TAFA1: variants seen among roughly 807,000 people sequenced by gnomAD.
TAFA1 encodes the protein chemokine-like protein TAFA-1.
Under a neutral mutation model 18.5 loss-of-function variants are expected in TAFA1, and 4 were observed. That is an observed-to-expected ratio of 0.22 (90% CI 0.11 to 0.49). TAFA1 has a LOEUF of 0.49. Ranked by LOEUF, TAFA1 falls within the 20% of genes least tolerant of loss-of-function variation. The probability of loss-of-function intolerance (pLI) is 0.98; values close to 1 mark genes in which losing one functional copy is unlikely to be tolerated. For missense variants in TAFA1, 147 were observed against 169.0 expected (o/e 0.87, Z 0.72); for synonymous variants, 56 against 55.2 (o/e 1.01, Z -0.06).
At chr3:68,485,307 C>T (rs1055885056) in intron 3 of TAFA1, among the ~76,000 whole-genome samples, 1 of 152,224 alleles carries the variant, frequency 6.6e-6, no homozygotes, top group Non-Finnish European at 1.5e-5. Flanking sequence ...AAACAACCCA[C>T]TTGTTTGTGC....
chr3:68,064,995 G>A (rs2064655716), intron 2 of TAFA1, among the ~76,000 whole-genome samples: 1 of 151,974 alleles, frequency 6.6e-6, no homozygotes. Context: ...GGGTTCATGA[G>A]TAAAGGTAGA....
intron 2 of TAFA1, chr3:68,145,199 T>C (rs1359864537): frequency 7.5e-6 from 6 of 804,420 alleles, no homozygotes; most frequent in Non-Finnish European, 1.4e-5. Flanking sequence ...TGCTACAAAA[T>C]CTGCAAATTC....
intron 2 of TAFA1, among the ~76,000 whole-genome samples, chr3:68,186,207 T>C (rs1346640015): frequency 6.6e-6 from 1 of 152,110 alleles, no homozygotes; most frequent in Non-Finnish European, 1.5e-5. Flanking sequence ...ATTTCTACTC[T>C]TTGGGAATAA....
chr3:68,380,681 A>G (rs181851553), intron 2 of TAFA1, among the ~76,000 whole-genome samples: 4,551 of 152,162 alleles, frequency 0.03, 93 homozygotes, highest in East Asian at 0.092. Context: ...CCTTTGTCAG[A>G]TGAGTAGGCT....
At chr3:68,422,701 T>C (rs2070978155) in intron 3 of TAFA1, among the ~76,000 whole-genome samples, 1 of 152,124 alleles carries the variant, frequency 6.6e-6, no homozygotes, top group South Asian at 2.1e-4. Context: ...TTCTATTTTC[T>C]AATAATTGAA....
At chr3:68,035,282 A>T (rs1207040768) in intron 2 of TAFA1, among the ~76,000 whole-genome samples, 1 of 152,166 alleles carries the variant, frequency 6.6e-6, no homozygotes, top group African/African-American at 2.4e-5. Flanking sequence ...TCTCTCACTC[A>T]GCACAAACCT....
At chr3:68,138,405 T>A (rs1431549601) in intron 2 of TAFA1, among the ~76,000 whole-genome samples, 1 of 152,204 alleles carries the variant, frequency 6.6e-6, no homozygotes, top group Admixed American at 6.5e-5. Flanking sequence ...AGTAACATAT[T>A]GTACATCAGG....
At chr3:68,175,476 G>T (rs756530851) in intron 2 of TAFA1, among the ~76,000 whole-genome samples, 5 of 152,206 alleles carry the variant, frequency 3.3e-5, no homozygotes, top group East Asian at 1.9e-4. Context: ...GCATCAGTGT[G>T]ACCTGCATGT....
chr3:68,396,780 A>C (rs942787776), intron 2 of TAFA1, among the ~76,000 whole-genome samples: 1 of 152,208 alleles, frequency 6.6e-6, no homozygotes, highest in Admixed American at 6.5e-5. Context: ...CTTCCATAAA[A>C]GTTTAAACAA....
chr3:68,496,343 T>G (rs2072549382), intron 3 of TAFA1, among the ~76,000 whole-genome samples: 1 of 152,098 alleles, frequency 6.6e-6, no homozygotes, highest in South Asian at 2.1e-4. Context: ...GTTAGAGAAG[T>G]CTGAACTTCC....
At chr3:68,434,016 C>T (rs536838757) in intron 3 of TAFA1, among the ~76,000 whole-genome samples, 1 of 151,970 alleles carries the variant, frequency 6.6e-6, no homozygotes, top group Admixed American at 6.6e-5. Flanking sequence ...CTATCTCTAC[C>T]CTAAGTTTTC....
intron 3 of TAFA1, among the ~76,000 whole-genome samples, chr3:68,524,511 C>A (rs986105796): frequency 6.6e-6 from 1 of 152,012 alleles, no homozygotes; most frequent in Non-Finnish European, 1.5e-5. Context: ...AGAGGCAGTA[C>A]ATTTAGAAAA....
At chr3:68,304,745 C>CT (rs1047220626) in intron 2 of TAFA1, among the ~76,000 whole-genome samples, 1 of 151,966 alleles carries the variant, frequency 6.6e-6, no homozygotes, top group Non-Finnish European at 1.5e-5. Flanking sequence ...AAATAAAATT[C>CT]TTTTTAATGC....
At chr3:68,340,611 AT>A (rs58453444) in intron 2 of TAFA1, among the ~76,000 whole-genome samples, 73 of 150,636 alleles carry the variant, frequency 4.8e-4, no homozygotes, top group South Asian at 1.5e-3. Flanking sequence ...TTCCTCTCCC[AT>A]TTTTTTTTCT....
At chr3:68,197,369 T>C (rs1170026940) in intron 2 of TAFA1, among the ~76,000 whole-genome samples, 3 of 151,708 alleles carry the variant, frequency 2.0e-5, no homozygotes, top group Non-Finnish European at 4.4e-5. Context: ...GTATTTGCCT[T>C]TATAAGATCA....
At chr3:68,193,106 A>C (rs1210559552) in intron 2 of TAFA1, among the ~76,000 whole-genome samples, 2 of 151,772 alleles carry the variant, frequency 1.3e-5, no homozygotes, top group African/African-American at 4.8e-5. Flanking sequence ...AGTATGAGGA[A>C]TTAGTCACAG....
intron 2 of TAFA1, among the ~76,000 whole-genome samples, chr3:68,151,680 T>C (rs182639281): frequency 1.3e-5 from 2 of 152,288 alleles, no homozygotes; most frequent in Non-Finnish European, 2.9e-5. Flanking sequence ...ATTAACCCCC[T>C]TCTGTGATAA....
intron 3 of TAFA1, among the ~76,000 whole-genome samples, chr3:68,471,051 AG>A (rs1171784215): frequency 6.6e-6 from 1 of 152,150 alleles, no homozygotes; most frequent in Non-Finnish European, 1.5e-5. Context: ...CATGGCTAAA[AG>A]GGGCCAACGT....
chr3:68,188,802 T>C (rs1353683644), intron 2 of TAFA1, among the ~76,000 whole-genome samples: 1 of 151,956 alleles, frequency 6.6e-6, no homozygotes, highest in African/African-American at 2.4e-5. Flanking sequence ...TTTTATGTGA[T>C]GCTTCTTTTG....
Sources: allele counts gnomAD v4.1 joint callset (sites outside exome capture counted in the v4.1 genomes callset), GRCh38; gene constraint gnomAD v4.1.1; transcripts MANE v1.5; gene names NCBI Gene and HGNC (gene_info 2026-07-23, HGNC 2026-07-21).